DISC1: variants seen among roughly 807,000 people sequenced by gnomAD.
DISC1 encodes the protein disrupted in schizophrenia 1 protein.
A neutral mutation model predicts 84.5 loss-of-function variants in DISC1; 57 were observed. The observed-to-expected ratio is 0.67, with a 90% CI of 0.55 to 0.84. The LOEUF (loss-of-function observed/expected upper bound fraction) is 0.84, where lower values mean the gene tolerates loss of function less well. Among genes scored for constraint, DISC1 ranks in the 40% least tolerant of loss-of-function variants. The pLI is 0.00. For missense variants in DISC1, 1,000 were observed against 1,057.8 expected, an observed-to-expected ratio of 0.95 and a Z score of 0.76; for synonymous variants, 411 against 415.2, an observed-to-expected ratio of 0.99 and a Z score of 0.12.
At chr1:231,665,907 T>A (rs1237500806) in intron 1 of DISC1, among the ~76,000 whole-genome samples, 1 of 152,200 alleles carries the variant, frequency 6.6e-6, no homozygotes, top group African/African-American at 2.4e-5. Flanking sequence ...CCATCCAGAT[T>A]GTTTTCAGAG....
At chr1:231,747,493 C>T (rs1235755786) in intron 3 of DISC1, among the ~76,000 whole-genome samples, 26 of 152,182 alleles carry the variant, frequency 1.7e-4, no homozygotes. Context: ...GTTTTCCCAA[C>T]ACCATTTATT....
chr1:231,907,258 C>G (rs2088809416), intron 9 of DISC1, among the ~76,000 whole-genome samples: 1 of 151,398 alleles, frequency 6.6e-6, no homozygotes, highest in Admixed American at 6.6e-5. Context: ...TGTTGGTGTG[C>G]TGCACCCATT....
chr1:231,842,855 A>G (rs2083175190), intron 9 of DISC1, among the ~76,000 whole-genome samples: 1 of 152,194 alleles, frequency 6.6e-6, no homozygotes, highest in African/African-American at 2.4e-5. Flanking sequence ...TATGATTCAA[A>G]TTTGGATACA....
intron 9 of DISC1, among the ~76,000 whole-genome samples, chr1:231,885,198 A>G (rs553963943): frequency 1.3e-5 from 2 of 152,312 alleles, no homozygotes; most frequent in East Asian, 3.9e-4. Flanking sequence ...AAACATACGA[A>G]AAAATGACAG....
intron 1 of DISC1, among the ~76,000 whole-genome samples, chr1:231,677,791 C>A: frequency 6.6e-6 from 1 of 152,178 alleles, no homozygotes; most frequent in East Asian, 1.9e-4. Context: ...CCAGCCTGAC[C>A]AATATGGTGA....
chr1:232,028,539 C>A (rs778465822), intron 12 of DISC1, among the ~76,000 whole-genome samples: 1 of 152,104 alleles, frequency 6.6e-6, no homozygotes, highest in Admixed American at 6.5e-5. Context: ...TTAATAGCAG[C>A]GGGATCATGG....
intron 9 of DISC1, among the ~76,000 whole-genome samples, chr1:231,886,835 C>CT: frequency 1.0e-5 from 1 of 97,912 alleles, no homozygotes; most frequent in Non-Finnish European, 2.1e-5. Flanking sequence ...TTCTTTCTTT[C>CT]CTTCTTTCTT....
chr1:231,713,681 A>G (rs913207089), intron 3 of DISC1, among the ~76,000 whole-genome samples: 2 of 113,878 alleles, frequency 1.8e-5, no homozygotes, highest in Non-Finnish European at 3.5e-5. Flanking sequence ...CATGAAGCAG[A>G]TATATATATA....
chr1:232,021,548 T>C (rs1668967215), intron 11 of DISC1, among the ~76,000 whole-genome samples: 1 of 152,144 alleles, frequency 6.6e-6, no homozygotes, highest in African/African-American at 2.4e-5. Flanking sequence ...CTGAGAGAAG[T>C]CTGGGCATTA....
intron 3 of DISC1, among the ~76,000 whole-genome samples, chr1:231,708,980 G>T (rs761209460): frequency 6.6e-6 from 1 of 152,218 alleles, no homozygotes; most frequent in Non-Finnish European, 1.5e-5. Flanking sequence ...GCATAAGCTT[G>T]TATATCTGCT....
In DISC1 at chr1:231,844,416, C is replaced by T. The variant is rs543357626; in HGVS notation, c.1981+25899C>T. 3.3e-5 allele frequency among the ~76,000 whole-genome samples: 5 copies of T among 152,270 alleles called. No individual in the cohort carries two copies. The South Asian group carries it at 8.3e-4, about 25-fold the overall frequency. On this transcript the variant is annotated intron_variant, in intron 9 of 12. Coordinates refer to ENST00000439617, the MANE Select transcript of DISC1 (RefSeq NM_018662.3). ...AGAGCTTCCATGCCCCCTCCAGGTG[C>T]GCCACCTCCCAGCACTGCCATGGCC...
At chr1:231,980,099 C>G (rs1663379614) in intron 10 of DISC1, among the ~76,000 whole-genome samples, 1 of 152,178 alleles carries the variant, frequency 6.6e-6, no homozygotes, top group Admixed American at 6.5e-5. Flanking sequence ...TGTCTCCAAC[C>G]TGACTTTTAT....
intron 11 of DISC1, among the ~76,000 whole-genome samples, chr1:232,016,093 G>A (rs746899078): frequency 6.6e-6 from 1 of 152,194 alleles, no homozygotes; most frequent in African/African-American, 2.4e-5. Context: ...AGGGTGGGAA[G>A]CAAGCTCTCA....
chr1:231,832,872 A>T (rs985426445), intron 9 of DISC1, among the ~76,000 whole-genome samples: 1 of 144,652 alleles, frequency 6.9e-6, no homozygotes, highest in Non-Finnish European at 1.5e-5. Context: ...AGGAGAGTTT[A>T]TAGGCTTTAA....
intron 9 of DISC1, among the ~76,000 whole-genome samples, chr1:231,932,915 ATTAGTTGTGAAGTTAC>A (rs1271618042): frequency 1.8e-4 from 28 of 152,282 alleles, no homozygotes; most frequent in African/African-American, 6.3e-4. Flanking sequence ...GAGAGCGCCA[ATTAGTTGTGAAGTTAC>A]TTTCAAACTG....
intron 4 of DISC1, among the ~76,000 whole-genome samples, chr1:231,761,014 T>C (rs2125393094): frequency 6.6e-6 from 1 of 152,354 alleles, no homozygotes; most frequent in East Asian, 1.9e-4. Context: ...AATGAAAACA[T>C]TTTTCCTGTG....
chr1:231,708,830 C>T (rs146897056), intron 3 of DISC1, among the ~76,000 whole-genome samples: 6 of 151,642 alleles, frequency 4.0e-5, no homozygotes, highest in Non-Finnish European at 8.8e-5. Flanking sequence ...AGGAAAGGAA[C>T]AGATGAGCGC....
rs767846705 is a variant in DISC1, at chr1:231,800,181, T to C, written c.1763T>C (p.Leu588Ser). The C allele has an allele frequency of 6.2e-6, 10 of 1,612,000 alleles. 1 individual carries two copies. Among genetic ancestry groups the C allele is most frequent in the African/African-American group, 5.4e-5 (4 of 74,720 alleles). The change falls in exon 8 of 13, where the codon TTG becomes TCG. Residue 588 changes from leucine to serine, a missense_variant. Around this residue, in one of 3 missense-constraint regions of DISC1, gnomAD observed 397 missense variants for 377.5 expected, o/e 1.05. Transcript: ENST00000439617. ...GATATTGAAACCCAACTACCAGCCT[T>C]GCTTGAAGCCAAAATGCATGCCATA... Reference protein sequence around the residue: ...VNDIETQLPALLEAKMHAISG... With the variant: ...VNDIETQLPASLEAKMHAISG...
At chr1:231,842,193 G>C (rs2125865964) in intron 9 of DISC1, among the ~76,000 whole-genome samples, 2 of 152,160 alleles carry the variant, frequency 1.3e-5, no homozygotes, top group Non-Finnish European at 2.9e-5. Flanking sequence ...TGTAGAGATA[G>C]GATCTCTCTC....
Sources: gnomAD v4.1 joint callset for allele counts (sites outside exome capture counted in the v4.1 genomes callset) on GRCh38, gnomAD v4.1.1 for gene constraint, gnomAD v4.1.1 regional missense constraint, MANE v1.5 for transcripts, NCBI Gene and HGNC (gene_info 2026-07-23, HGNC 2026-07-21) for gene names.